The following SVEP1 variants were observed in gnomAD, a reference collection of about 807,000 sequenced individuals.
SVEP1 encodes sushi, von Willebrand factor type A, EGF and pentraxin domain containing 1.
In SVEP1, 164 loss-of-function variants were observed where a neutral mutation model predicts 367.3. The observed-to-expected ratio is 0.45, with a 90% confidence interval of 0.39 to 0.51. The LOEUF is 0.51. Ranked by LOEUF, SVEP1 falls within the 20% of genes least tolerant of loss-of-function variation. The probability of loss-of-function intolerance (pLI) is 0.00; values close to 1 mark genes in which losing one functional copy is unlikely to be tolerated. For missense variants in SVEP1, 4,117 were observed against 4,425.3 expected, an observed-to-expected ratio of 0.93 and a Z score of 1.98; for synonymous variants, 1,666 against 1,611.6, an observed-to-expected ratio of 1.03 and a Z score of -0.81.
At chr9:110,496,429 C>T (rs1478741898) in intron 8 of SVEP1, among the ~76,000 whole-genome samples, 1 of 152,198 alleles carries the variant, frequency 6.6e-6, no homozygotes. Flanking sequence ...CTGGCTGCTT[C>T]CTGCCCTTGA....
At chr9:110,410,970 G>A in intron 37 of SVEP1, 93 bp downstream of exon 37, 1 of 1,125,278 alleles carries the variant, frequency 8.9e-7, no homozygotes, top group Non-Finnish European at 1.2e-6. Context: ...TAGTGAACTT[G>A]GCAGTGTTTG....
intron 3 of SVEP1, among the ~76,000 whole-genome samples, chr9:110,541,386 T>C (rs1200786550): frequency 6.6e-6 from 1 of 152,170 alleles, no homozygotes; most frequent in Non-Finnish European, 1.5e-5. Flanking sequence ...TTTCACTGGA[T>C]ACTCATCAGA....
intron 36 of SVEP1, among the ~76,000 whole-genome samples, chr9:110,423,168 T>TAAAAAAAAAAAAAAAA: frequency 4.8e-5 from 5 of 103,648 alleles, no homozygotes; most frequent in East Asian, 2.5e-4. Flanking sequence ...AAAAATAAAG[T>TAAAAAAAAAAAAAAAA]AAAAAAAAAA....
At chr9:110,367,623 G>T (rs528523261) in intron 47 of SVEP1, among the ~76,000 whole-genome samples, 4 of 151,888 alleles carry the variant, frequency 2.6e-5, no homozygotes, top group African/African-American at 7.3e-5. Context: ...CCAGTTTTTT[G>T]CCAAAATTAC....
intron 11 of SVEP1, among the ~76,000 whole-genome samples, chr9:110,482,012 C>T (rs1829198833): frequency 6.6e-6 from 1 of 152,116 alleles, no homozygotes; most frequent in Admixed American, 6.5e-5. Context: ...CATGCCCTGC[C>T]CTTATTTTTG....
At chr9:110,530,019 GT>G (rs10715994) in intron 3 of SVEP1, among the ~76,000 whole-genome samples, 135,066 of 152,106 alleles carry the variant, frequency 0.89, 60,200 homozygotes, top group Admixed American at 0.93. Context: ...TATATTTTGT[GT>G]TATGTTCCTT....
At chr9:110,500,849 C>T (rs1829519369) in intron 6 of SVEP1, among the ~76,000 whole-genome samples, 2 of 151,786 alleles carry the variant, frequency 1.3e-5, no homozygotes, top group African/African-American at 4.8e-5. Flanking sequence ...TTTACTATTC[C>T]TATTGCTCTT....
intron 36 of SVEP1, among the ~76,000 whole-genome samples, chr9:110,414,509 T>A (rs907595420): frequency 6.6e-6 from 1 of 152,034 alleles, no homozygotes; most frequent in Non-Finnish European, 1.5e-5. Flanking sequence ...GATCTGAACT[T>A]AGCTTGGAAT....
intron 40 of SVEP1, among the ~76,000 whole-genome samples, chr9:110,390,081 G>A (rs1436190978): frequency 4.7e-4 from 57 of 120,954 alleles, no homozygotes; most frequent in African/African-American, 1.9e-3. Flanking sequence ...ATATATACGT[G>A]TATATATACA....
chr9:110,481,589 C>A (rs545642515), intron 11 of SVEP1, among the ~76,000 whole-genome samples, 153 bp from the exon 12 acceptor site: 1 of 152,242 alleles, frequency 6.6e-6, no homozygotes, highest in East Asian at 1.9e-4. Context: ...AGGAGAAGGA[C>A]AACACATGCT....
rs1053615075 is a variant in SVEP1, at chr9:110,481,433, G to A, written c.2174C>T (p.Ser725Phe). The A allele has an allele frequency of 5.7e-6, 9 of 1,570,194 alleles. No individual in the cohort carries two copies. Among genetic ancestry groups the A allele is most frequent in the Non-Finnish European group, 7.8e-6 (9 of 1,157,658 alleles). ...AGGTGTGAATGGAATTTCACAGGGAGAACCTGTGTAAAAAAAATTGTACTA... is the reference window on the plus strand; with the variant it reads ...AGGTGTGAATGGAATTTCACAGGGAAAACCTGTGTAAAAAAAATTGTACTA... ...TCDIHIVIKG[S>F]PCEIPFTPVN... Residue 725 changes from serine (S) to phenylalanine (F), a missense_variant, in exon 12 of 48, where the codon TCT (serine) becomes TTT (phenylalanine). Around this residue, in one of 4 missense-constraint regions of SVEP1, gnomAD observed 2,174 missense variants for 2,494.3 expected, o/e 0.87. Transcript: ENST00000374469.
At chr9:110,566,326 A>G (rs1398632026) in intron 1 of SVEP1, among the ~76,000 whole-genome samples, 1 of 39,142 alleles carries the variant, frequency 2.6e-5, no homozygotes. Flanking sequence ...TGTCTCCATA[A>G]TAAATAAATA....
chr9:110,506,891 G>C (rs1206821789), intron 5 of SVEP1, among the ~76,000 whole-genome samples: 1 of 152,014 alleles, frequency 6.6e-6, no homozygotes, highest in Non-Finnish European at 1.5e-5. Flanking sequence ...TGAGGGGAAG[G>C]GGAAGTCAGA....
chr9:110,535,177 C>T (rs1830064025), intron 3 of SVEP1, among the ~76,000 whole-genome samples: 1 of 152,060 alleles, frequency 6.6e-6, no homozygotes, highest in Admixed American at 6.6e-5. Context: ...TTTAATCCTT[C>T]TTGAGTTGAT....
intron 28 of SVEP1, 103 bp downstream of exon 28, chr9:110,436,277 C>T (rs1323971439): frequency 1.4e-6 from 2 of 1,424,198 alleles, no homozygotes; most frequent in Non-Finnish European, 1.9e-6. Flanking sequence ...ATTCTGATAA[C>T]CAAGAGCTTA....
chr9:110,433,574 C>T (rs950361646), intron 30 of SVEP1, among the ~76,000 whole-genome samples: 3 of 150,736 alleles, frequency 2.0e-5, no homozygotes, highest in Non-Finnish European at 4.4e-5. Context: ...CTGGGCTCAG[C>T]GATCCTCCCA....
At chr9:110,564,229 T>G (rs1453534947) in intron 1 of SVEP1, among the ~76,000 whole-genome samples, 1 of 152,204 alleles carries the variant, frequency 6.6e-6, no homozygotes, top group Non-Finnish European at 1.5e-5. Context: ...CCAGGATGCA[T>G]GCATAGAGAT....
intron 10 of SVEP1, among the ~76,000 whole-genome samples, chr9:110,483,001 C>A (rs73655375): frequency 0.028 from 4,288 of 150,912 alleles, 194 homozygotes; most frequent in African/African-American, 0.1. Flanking sequence ...CTTTTTTTGA[C>A]AAACAACTGA....
chr9:110,434,335 C>T lies in SVEP1; in HGVS notation c.5059+1G>A, dbSNP rs1425119956. The T allele has an allele frequency of 1.9e-6, 3 of 1,593,106 alleles. No individual in the cohort carries two copies. Among genetic ancestry groups the T allele is most frequent in the African/African-American group, 1.3e-5 (1 of 74,662 alleles). On this transcript the variant is annotated splice_donor_variant, in intron 30 of 47. Transcript: ENST00000374469. LOFTEE classifies it high-confidence loss of function. ...AAATGGCTTCAAGAAAGGCAGCTCA[C>T]GTTCACAGTGAGGAAGTGGTTGTGT... is the stretch of plus-strand genomic sequence containing the variant.
Sources: gnomAD v4.1 joint callset for allele counts (sites outside exome capture counted in the v4.1 genomes callset) on GRCh38, gnomAD v4.1.1 for gene constraint, gnomAD v4.1.1 regional missense constraint, MANE v1.5 for transcripts, NCBI Gene and HGNC (gene_info 2026-07-23, HGNC 2026-07-21) for gene names.